Variants in PCCA observed in about 807,000 individuals in gnomAD.
PCCA encodes propionyl-CoA carboxylase subunit alpha.
A neutral mutation model predicts 101.3 loss-of-function variants in PCCA; 74 were observed. The observed-to-expected ratio is 0.73, with a 90% CI of 0.61 to 0.89. The LOEUF (loss-of-function observed/expected upper bound fraction) is 0.89, where lower values mean the gene tolerates loss of function less well. Ranked by LOEUF, PCCA falls within the 40% of genes least tolerant of loss-of-function variation. PCCA has a pLI of 0.00. For missense variants in PCCA, 891 were observed against 907.0 expected (o/e 0.98, Z 0.23); for synonymous variants, 294 against 313.6 (o/e 0.94, Z 0.66).
At chr13:100,291,562 C>T (rs2065125501) in intron 12 of PCCA, among the ~76,000 whole-genome samples, 1 of 152,160 alleles carries the variant, frequency 6.6e-6, no homozygotes, top group Admixed American at 6.5e-5. Flanking sequence ...AATCATTATT[C>T]TGAATGTTTT....
Position 100,516,762 on chromosome 13 carries a change from A to AGTGTGTGTGTGTGTGTG in PCCA, c.2040+1195_2040+1196insGTGTGTGTGTGTGTGTG, listed in dbSNP as rs1382893777. ...GTGTGTGTGTGTGTGTGTGTGTGTA[A>AGTGTGTGTGTGTGTGTG]TGTGTGTAAAATTCAGGGGAGGACA... On this transcript the variant is annotated intron_variant, in intron 22 of 23. Coordinates refer to ENST00000376285, the MANE Select transcript of PCCA (RefSeq NM_000282.4). Among the ~76,000 whole-genome samples, 628 of 109,224 alleles carry AGTGTGTGTGTGTGTGTG rather than the reference A, an allele frequency of 5.7e-3. 3 individuals carry two copies. The highest frequency in any genetic ancestry group is 0.011 in the South Asian group (30 of 2,812). 71.7% of individuals were successfully genotyped at this position (109,224 alleles called of 152,430 possible).
intron 21 of PCCA, among the ~76,000 whole-genome samples, chr13:100,479,161 C>T (rs2083674343): frequency 6.6e-6 from 1 of 152,176 alleles, no homozygotes; most frequent in Non-Finnish European, 1.5e-5. Flanking sequence ...TCATGTTATC[C>T]ATTCCTCAAA....
At chr13:100,416,998 C>T (rs574665302) in intron 19 of PCCA, among the ~76,000 whole-genome samples, 1 of 152,004 alleles carries the variant, frequency 6.6e-6, no homozygotes, top group South Asian at 2.1e-4. Context: ...CATGTGCCAC[C>T]ACGCCTGGCT....
chr13:100,319,721 C>T (rs954848900), intron 16 of PCCA, among the ~76,000 whole-genome samples: 6 of 152,192 alleles, frequency 3.9e-5, no homozygotes, highest in Non-Finnish European at 7.3e-5. Context: ...CAGTACCATG[C>T]TGCTTTGGTT....
chr13:100,243,443 G>A (rs1258310295), intron 8 of PCCA, among the ~76,000 whole-genome samples: 1 of 152,004 alleles, frequency 6.6e-6, no homozygotes, highest in Non-Finnish European at 1.5e-5. Context: ...TTATAATAGA[G>A]ATACCTGGGG....
intron 20 of PCCA, among the ~76,000 whole-genome samples, chr13:100,446,900 G>A (rs1262165029): frequency 6.6e-6 from 1 of 152,154 alleles, no homozygotes; most frequent in Non-Finnish European, 1.5e-5. Context: ...GAAATAAACT[G>A]TAAGCGTTTT....
intron 4 of PCCA, among the ~76,000 whole-genome samples, chr13:100,120,300 T>C (rs980509438): frequency 2.6e-5 from 4 of 151,686 alleles, no homozygotes; most frequent in Non-Finnish European, 4.4e-5. Context: ...TGCTTCAGCC[T>C]CCTGAGTAGC....
intron 12 of PCCA, among the ~76,000 whole-genome samples, chr13:100,288,712 G>A (rs138659294): frequency 3.0e-4 from 46 of 152,332 alleles, no homozygotes; most frequent in Middle Eastern, 3.4e-3. Flanking sequence ...AGAAATCTTT[G>A]TATCCAAGAC....
At position 100,515,657 on chromosome 13, in the gene PCCA, C is replaced by G. The variant is rs1490082100; in HGVS notation, c.2040+90C>G. The G allele has an allele frequency of 3.4e-6, 5 of 1,489,996 alleles. No homozygotes were observed. The East Asian group carries it at 6.8e-5, about 20-fold the overall frequency. The allele number at this position is 1,489,996 out of a possible 1,614,324, so 92.3% of individuals were successfully genotyped here. A position where few individuals can be genotyped will look rare whatever the true frequency, so the allele number is the denominator to read the frequency against. On this transcript the variant is annotated intron_variant, in intron 22 of 23. Coordinates refer to ENST00000376285, the MANE Select transcript of PCCA (RefSeq NM_000282.4). Reference sequence around the variant, plus strand: ...GCTAACGGCACAGCACGATTCGGCTCTTTGCAGTTCTTACTTAACCGACGC... The same window carrying G: ...GCTAACGGCACAGCACGATTCGGCTGTTTGCAGTTCTTACTTAACCGACGC...
intron 1 of PCCA, among the ~76,000 whole-genome samples, chr13:100,100,952 C>T (rs549668897): frequency 7.9e-5 from 12 of 152,146 alleles, no homozygotes; most frequent in Middle Eastern, 3.4e-3. Flanking sequence ...TACGGGCATG[C>T]ACCACCATGC....
chr13:100,136,670 A>G (rs2051213883), intron 4 of PCCA, among the ~76,000 whole-genome samples: 1 of 152,178 alleles, frequency 6.6e-6, no homozygotes, highest in Non-Finnish European at 1.5e-5. Context: ...CATTTCATCT[A>G]AATTGTCCAA....
intron 19 of PCCA, among the ~76,000 whole-genome samples, chr13:100,387,639 T>C (rs941058355): frequency 2.6e-5 from 4 of 152,194 alleles, no homozygotes; most frequent in African/African-American, 7.2e-5. Flanking sequence ...ATAAACAAGG[T>C]TGTAGAGAAA....
chr13:100,211,495 G>A (rs1379300660), intron 7 of PCCA, among the ~76,000 whole-genome samples: 1 of 152,158 alleles, frequency 6.6e-6, no homozygotes, highest in African/African-American at 2.4e-5. Context: ...CTCTTGGTCA[G>A]TCCATACTTC....
chr13:100,252,931 T>C (rs1383190099), intron 8 of PCCA, among the ~76,000 whole-genome samples: 1 of 152,184 alleles, frequency 6.6e-6, no homozygotes, highest in Non-Finnish European at 1.5e-5. Context: ...GGTACTTCCC[T>C]TTCCTGTATC....
intron 15 of PCCA, among the ~76,000 whole-genome samples, chr13:100,308,534 C>T (rs1011361006): frequency 1.3e-5 from 2 of 151,702 alleles, no homozygotes; most frequent in Non-Finnish European, 2.9e-5. Flanking sequence ...TCATGTTACC[C>T]AGGCTGATCT....
At chr13:100,526,597 C>CT (rs2087843314) in intron 22 of PCCA, among the ~76,000 whole-genome samples, 1 of 152,254 alleles carries the variant, frequency 6.6e-6, no homozygotes, top group African/African-American at 2.4e-5. Context: ...ACGAATATGG[C>CT]CACAGTGGTG....
At chr13:100,191,227 A>C (rs7993680) in intron 6 of PCCA, among the ~76,000 whole-genome samples, 3 of 152,198 alleles carry the variant, frequency 2.0e-5, no homozygotes, top group Admixed American at 6.5e-5. Flanking sequence ...TTGGAAGTGC[A>C]TCTCAGCACA....
At position 100,471,481 on chromosome 13, in the gene PCCA, A is replaced by C. The variant is rs192725877; in HGVS notation, c.1899+22176A>C. 5.8e-4 allele frequency among the ~76,000 whole-genome samples: 88 copies of C among 152,358 alleles called. 1 individual carries two copies. The Middle Eastern group carries it at 0.014, about 24-fold the overall frequency. On this transcript the variant is annotated intron_variant, in intron 21 of 23. Coordinates refer to ENST00000376285, the MANE Select transcript of PCCA (RefSeq NM_000282.4). ...GGCAATAGATAAAGGGTTGCCACAA[A>C]CCTTTAAATTGTAAAAAGTGCATTA...
At chr13:100,298,883 A>G (rs751026113) in intron 12 of PCCA, among the ~76,000 whole-genome samples, 25 of 151,716 alleles carry the variant, frequency 1.6e-4, no homozygotes, top group Non-Finnish European at 2.9e-4. Context: ...TGTTGTGCTT[A>G]TAAGATTTCT....
Sources: allele counts gnomAD v4.1 joint callset (sites outside exome capture counted in the v4.1 genomes callset), GRCh38; gene constraint gnomAD v4.1.1; transcripts MANE v1.5; gene names NCBI Gene and HGNC (gene_info 2026-07-23, HGNC 2026-07-21).